Variants in FBN1 observed in about 807,000 individuals in gnomAD.
FBN1 encodes fibrillin-1.
In FBN1, 29 loss-of-function variants were observed where a neutral mutation model predicts 365.1. That is an observed-to-expected ratio of 0.08 (90% CI 0.06 to 0.11). The LOEUF (loss-of-function observed/expected upper bound fraction) is 0.11. FBN1 is among the 10% of genes least tolerant of loss of function. FBN1 has a pLI of 1.00. For synonymous variants in FBN1, 1,210 were observed against 1,270.5 expected (o/e 0.95, Z 1.01); for missense variants, 2,476 against 3,703.2 (o/e 0.67, Z 8.60).
chr15:48,555,284 G>T (rs117339024), intron 6 of FBN1, among the ~76,000 whole-genome samples: 2 of 152,064 alleles, frequency 1.3e-5, no homozygotes, highest in South Asian at 4.2e-4. Context: ...ACCCCCTTTC[G>T]CCCAGCATGA....
rs759344061 is a variant in FBN1 at position 48,428,326 on chromosome 15, G to A, written c.6997+20C>T. Reference sequence around the variant, plus strand: ...GTGTGGAGGCTGAGGTTAGGAAAGTGCGGTGCCAACTGTACTCACCAAGGC... The same window carrying A: ...GTGTGGAGGCTGAGGTTAGGAAAGTACGGTGCCAACTGTACTCACCAAGGC... On this transcript the variant is annotated intron_variant, in intron 57 of 65. Coordinates refer to ENST00000316623, the MANE Select transcript of FBN1 (RefSeq NM_000138.5). 1 of 1,613,856 alleles carries A rather than the reference G, an allele frequency of 6.2e-7. No individual in the cohort carries two copies.
chr15:48,637,465 C>T (rs549139311), intron 2 of FBN1, among the ~76,000 whole-genome samples: 8 of 152,330 alleles, frequency 5.3e-5, no homozygotes, highest in East Asian at 3.9e-4. Context: ...AGAGGGCACT[C>T]GTTTCATAGA....
chr15:48,585,814 GA>G (rs1027759057), intron 6 of FBN1, among the ~76,000 whole-genome samples: 1 of 151,980 alleles, frequency 6.6e-6, no homozygotes, highest in Non-Finnish European at 1.5e-5. Flanking sequence ...AAACCAAATT[GA>G]CTTTTTAAAG....
At chr15:48,622,131 T>C (rs1889781500) in intron 2 of FBN1, among the ~76,000 whole-genome samples, 2 of 152,214 alleles carry the variant, frequency 1.3e-5, no homozygotes, top group Admixed American at 1.3e-4. Flanking sequence ...TCTAAAACCG[T>C]TCTAAAGTGA....
At position 48,526,050 on chromosome 15, in the gene FBN1, C is replaced by T. The variant is rs1286457034; in HGVS notation, c.988+80G>A. Reference sequence around the variant, plus strand: ...CTCAGTTGATAAATTATATGTGCTCCTTAACAAGCTTGTTTAGAAAGTTGT... The same window carrying T: ...CTCAGTTGATAAATTATATGTGCTCTTTAACAAGCTTGTTTAGAAAGTTGT... On this transcript the variant is annotated intron_variant, in intron 9 of 65. Coordinates refer to ENST00000316623, the MANE Select transcript of FBN1 (RefSeq NM_000138.5). The T allele has an allele frequency of 6.4e-6, 10 of 1,571,708 alleles. No individual in the cohort carries two copies. The East Asian group carries it at 2.2e-4, about 35-fold the overall frequency.
chr15:48,552,276 CTTTTTTT>C (rs71432262), intron 6 of FBN1, among the ~76,000 whole-genome samples: 1 of 139,978 alleles, frequency 7.1e-6, no homozygotes, highest in Non-Finnish European at 1.6e-5. Flanking sequence ...CTTTTTTTTT[CTTTTTTT>C]TTTTTTTGAG....
At chr15:48,460,933 A>G (rs1400046969) in intron 42 of FBN1, among the ~76,000 whole-genome samples, 1 of 152,138 alleles carries the variant, frequency 6.6e-6, no homozygotes, top group Non-Finnish European at 1.5e-5. Flanking sequence ...CAGATAATAA[A>G]GGATGAACTA....
At chr15:48,642,342 C>T (rs1388272554) in intron 2 of FBN1, 1 of 152,096 alleles carries the variant, frequency 6.6e-6, no homozygotes, top group Non-Finnish European at 1.5e-5. Context: ...CACCACTACA[C>T]TCCAGCCTGG....
chr15:48,495,658 A>T (rs1207443325), intron 20 of FBN1, 70 bp from the exon 21 acceptor site: 2 of 1,590,678 alleles, frequency 1.3e-6, no homozygotes, highest in Admixed American at 1.7e-5. Context: ...TTCAACTTTG[A>T]CCCCAATTGC....
chr15:48,609,431 A>C (rs2044640461), intron 4 of FBN1, among the ~76,000 whole-genome samples: 1 of 152,252 alleles, frequency 6.6e-6, no homozygotes, highest in Non-Finnish European at 1.5e-5. Context: ...TCTGAAAGTA[A>C]TTCTAGGAAA....
intron 15 of FBN1, among the ~76,000 whole-genome samples, chr15:48,506,279 T>C (rs781620413): frequency 6.6e-6 from 1 of 152,204 alleles, no homozygotes; most frequent in Non-Finnish European, 1.5e-5. Flanking sequence ...ACTCCTTTTA[T>C]AATATACAAC....
intron 6 of FBN1, among the ~76,000 whole-genome samples, chr15:48,562,081 C>T (rs1408693563): frequency 2.0e-5 from 3 of 152,152 alleles, no homozygotes; most frequent in Non-Finnish European, 4.4e-5. Context: ...TTTTGGGCAA[C>T]ACTGGACTGG....
chr15:48,513,861 T>C (rs2043780979), intron 12 of FBN1, among the ~76,000 whole-genome samples, 193 bp from the exon 13 acceptor site: 1 of 152,242 alleles, frequency 6.6e-6, no homozygotes. Flanking sequence ...TAAAGTGTAT[T>C]ATTTTCATGT....
intron 37 of FBN1, 124 bp from the exon 38 acceptor site, chr15:48,468,226 C>T (rs1012442764): frequency 1.5e-6 from 2 of 1,368,932 alleles, no homozygotes; most frequent in East Asian, 2.4e-5. Context: ...CTAAAAAGTG[C>T]CCATGAACAT....
intron 20 of FBN1, 74 bp from the exon 21 acceptor site, chr15:48,495,662 C>T: frequency 6.3e-7 from 1 of 1,576,090 alleles, no homozygotes; most frequent in South Asian, 1.1e-5. Context: ...ACTTTGACCC[C>T]AATTGCTACT....
chr15:48,532,637 T>C (rs2043983716), intron 8 of FBN1, among the ~76,000 whole-genome samples: 1 of 152,116 alleles, frequency 6.6e-6, no homozygotes, highest in Admixed American at 6.6e-5. Flanking sequence ...TGAGCAGTCT[T>C]GTCTGAATGG....
chr15:48,624,894 C>T (rs1889846227), intron 2 of FBN1, among the ~76,000 whole-genome samples: 1 of 152,188 alleles, frequency 6.6e-6, no homozygotes, highest in Admixed American at 6.5e-5. Context: ...CCTTTACCAC[C>T]CACAGAAGGA....
At chr15:48,628,205 C>T (rs879429078) in intron 2 of FBN1, among the ~76,000 whole-genome samples, 8 of 152,106 alleles carry the variant, frequency 5.3e-5, no homozygotes, top group Admixed American at 5.2e-4. Flanking sequence ...GCTCTTGTCC[C>T]TACCTTCCTT....
chr15:48,418,786 C>G (rs1344282320), intron 63 of FBN1, among the ~76,000 whole-genome samples: 1 of 152,188 alleles, frequency 6.6e-6, no homozygotes, highest in African/African-American at 2.4e-5. Flanking sequence ...TTGAAACCCA[C>G]CACTCTGTCC....
Sources: allele counts gnomAD v4.1 joint callset (sites outside exome capture counted in the v4.1 genomes callset), GRCh38; gene constraint gnomAD v4.1.1; transcripts MANE v1.5; gene names NCBI Gene and HGNC (gene_info 2026-07-23, HGNC 2026-07-21).